Variants in EVC observed in about 807,000 individuals in gnomAD.
EVC encodes the protein EvC ciliary complex subunit 1.
Under a neutral mutation model 118.9 loss-of-function variants are expected in EVC, and 116 were observed. That is an observed-to-expected ratio of 0.98 (90% CI 0.84 to 1.14). The LOEUF is 1.14. Among genes scored for constraint, EVC ranks in the 50% most tolerant of loss-of-function variants. EVC has a pLI of 0.00. For synonymous variants in EVC, 619 were observed against 534.7 expected (o/e 1.16, Z -2.18); for missense variants, 1,401 against 1,246.4 (o/e 1.12, Z -1.87).
intron 1 of EVC, among the ~76,000 whole-genome samples, chr4:5,716,860 A>T (rs771173793): frequency 6.6e-6 from 1 of 152,130 alleles, no homozygotes; most frequent in Non-Finnish European, 1.5e-5. Flanking sequence ...AACTGATTCT[A>T]TTCTGATCCT....
At chr4:5,769,877 G>T (rs557696827) in intron 11 of EVC, among the ~76,000 whole-genome samples, 115 of 152,150 alleles carry the variant, frequency 7.6e-4, no homozygotes, top group Admixed American at 3.3e-3. Flanking sequence ...TCTGAGAGTA[G>T]TTCCCAAACC....
chr4:5,766,462 T>G (rs879554925), intron 11 of EVC, among the ~76,000 whole-genome samples: 2 of 120,218 alleles, frequency 1.7e-5, no homozygotes, highest in African/African-American at 3.3e-5. Flanking sequence ...CCTTGCTAGA[T>G]TGGGGAAGTT....
At chr4:5,827,339 G>A in the EVC span, among the ~76,000 whole-genome samples, 6 of 152,242 alleles carry the variant, frequency 3.9e-5, no homozygotes, top group Admixed American at 1.3e-4. Flanking sequence ...GCCTTGTCTC[G>A]GATCTGACTT....
At chr4:5,728,946 A>G (rs113849587) in intron 2 of EVC, among the ~76,000 whole-genome samples, 1,742 of 152,148 alleles carry the variant, frequency 0.011, 41 homozygotes, top group African/African-American at 0.039. Context: ...CCATATCCCC[A>G]TCTATTTTTT....
At position 5,752,885 on chromosome 4, in the gene EVC, A is replaced by G. The variant is rs1201423468; in HGVS notation, c.1148A>G (p.Glu383Gly). Residue 383 changes from glutamate to glycine, a missense_variant, in exon 9 of 21, where the codon GAG becomes GGG. Glu to Gly is a moderately conservative substitution (Grantham distance 98). Coordinates refer to ENST00000264956, the MANE Select transcript of EVC (RefSeq NM_153717.3). Reference protein sequence around the residue: ...MGRAHMAKVIEFLKLQVQEET... With the variant: ...MGRAHMAKVIGFLKLQVQEET... ...CGGGCGCACATGGCAAAAGTGATTG[A>G]GTTTCTGAAGCTGCAAGTCCAGGAG... 6.2e-7 allele frequency: 1 copy of G among 1,614,160 alleles called. No homozygotes were observed. The highest frequency in any genetic ancestry group is 8.5e-7 in the Non-Finnish European group (1 of 1,180,010).
intron 6 of EVC, 52 bp from the exon 7 acceptor site, chr4:5,745,152 C>A (rs1044754513): frequency 8.3e-6 from 13 of 1,562,032 alleles, no homozygotes; most frequent in Non-Finnish European, 1.1e-5. Flanking sequence ...ATTTAAGACA[C>A]GCTAAACTTT....
At position 5,742,571 on chromosome 4, in the gene EVC, G is replaced by C. The variant is rs1164606721; in HGVS notation, c.801+757G>C. Reference sequence around the variant, plus strand: ...GTCACCACTGACATCATCATTCTTTGTCTTTACCACCATCATCATCATCCT... The same window carrying C: ...GTCACCACTGACATCATCATTCTTTCTCTTTACCACCATCATCATCATCCT... On this transcript the variant is annotated intron_variant, in intron 6 of 20. Coordinates refer to ENST00000264956, the MANE Select transcript of EVC (RefSeq NM_153717.3). The surrounding 1 kb of genome is among the most constrained non-coding windows in gnomAD (Gnocchi z 5.2). Among the ~76,000 whole-genome samples the C allele has an allele frequency of 6.6e-6, 1 of 152,036 alleles. No individual in the cohort carries two copies. The highest frequency in any genetic ancestry group is 6.6e-5 in the Admixed American group (1 of 15,258).
At chr4:5,828,727 C>A in the EVC span, 3 of 1,564,272 alleles carry the variant, frequency 1.9e-6, no homozygotes, top group South Asian at 2.4e-5. Context: ...ACGAGCTGTT[C>A]ATAACAGCGA....
At chr4:5,723,253 G>A (rs149788625) in intron 2 of EVC, among the ~76,000 whole-genome samples, 10,375 of 150,682 alleles carry the variant, frequency 0.069, 539 homozygotes, top group East Asian at 0.2. Context: ...GCAGTGGTGC[G>A]ATCTCGGCTC....
rs56345599 is a variant in EVC at position 5,746,231 on chromosome 4, C to G, written c.939+890C>G. 0.11 allele frequency among the ~76,000 whole-genome samples: 16,991 copies of G among 152,228 alleles called. 1,425 individuals are homozygous for G. The highest frequency in any genetic ancestry group is 0.24 in the African/African-American group (9,804 of 41,496). Reference sequence around the variant, plus strand: ...AAGCTTTGAAGCAGGGGGTGGCTGGCTTCAGCTTCTGCTTTAGAAGGGCTG... The same window carrying G: ...AAGCTTTGAAGCAGGGGGTGGCTGGGTTCAGCTTCTGCTTTAGAAGGGCTG... On this transcript the variant is annotated intron_variant, in intron 7 of 20. Transcript: ENST00000264956. This position sits in a 1 kb window ranked among gnomAD's most constrained non-coding sequence, Gnocchi z 5.8.
chr4:5,759,728 A>G (rs1731714902), intron 11 of EVC, among the ~76,000 whole-genome samples: 1 of 152,242 alleles, frequency 6.6e-6, no homozygotes, highest in Non-Finnish European at 1.5e-5. Flanking sequence ...GGGTAAGCCA[A>G]GCAGTATATA....
At chr4:5,818,075 G>T (rs1424268592), downstream of EVC, among the ~76,000 whole-genome samples, 1 of 152,180 alleles carries the variant, frequency 6.6e-6, no homozygotes. Context: ...CCTGGTGGGA[G>T]ATAATTGAAT....
chr4:5,786,000 C>G (rs1157530041), intron 12 of EVC, among the ~76,000 whole-genome samples: 1 of 152,028 alleles, frequency 6.6e-6, no homozygotes, highest in East Asian at 1.9e-4. Context: ...TTTTAGAGAC[C>G]ATTGTGGTTT....
In EVC at chr4:5,719,505, A is replaced by G; in HGVS notation, c.300+132A>G. The G allele has an allele frequency of 7.6e-7, 1 of 1,310,486 alleles. No individual in the cohort carries two copies. Among genetic ancestry groups the G allele is most frequent in the South Asian group, 1.2e-5 (1 of 83,250 alleles). The allele number at this position is 1,310,486 out of a possible 1,614,324, so 81.2% of individuals were successfully genotyped here. A position where few individuals can be genotyped will look rare whatever the true frequency, so the allele number is the denominator to read the frequency against. On this transcript the variant is annotated intron_variant, in intron 2 of 20. Transcript: ENST00000264956. This position sits in a 1 kb window ranked among gnomAD's most constrained non-coding sequence, Gnocchi z 4.7. Reference sequence around the variant, plus strand: ...CAATGGGCTGCTTTTCTGAGGCATAATTTACATACAGTCAAATGCGCAGAC... The same window carrying G: ...CAATGGGCTGCTTTTCTGAGGCATAGTTTACATACAGTCAAATGCGCAGAC...
intron 9 of EVC, 146 bp downstream of exon 9, chr4:5,753,198 T>A: frequency 1.3e-6 from 1 of 787,760 alleles, no homozygotes; most frequent in Admixed American, 2.1e-5. Context: ...AGGGACTGGG[T>A]CACTGGGCTG....
chr4:5,783,618 C>A lies in EVC; in HGVS notation c.1630C>A (p.Pro544Thr). 2 of 1,614,160 alleles carry A rather than the reference C, an allele frequency of 1.2e-6. No individual in the cohort carries two copies. Among genetic ancestry groups the A allele is most frequent in the Non-Finnish European group, 1.7e-6 (2 of 1,180,036 alleles). ...FVDALFLQTLPGMTGLPPEEC... is the reference protein window; with the variant it reads ...FVDALFLQTLTGMTGLPPEEC... ...GGATGCCCTGTTCCTTCAGACGCTCCCTGGCATGACTGGCCTCCCCCCGGA... is the reference window on the plus strand; with the variant it reads ...GGATGCCCTGTTCCTTCAGACGCTCACTGGCATGACTGGCCTCCCCCCGGA... Residue 544 changes from proline to threonine, a missense_variant, in exon 12 of 21, where the codon CCT (proline) becomes ACT (threonine). Physicochemically the swap from Pro to Thr is conservative, Grantham distance 38 (BLOSUM62 -1). Coordinates refer to ENST00000264956, the MANE Select transcript of EVC (RefSeq NM_153717.3).
In EVC at chr4:5,729,389, G is replaced by T; in HGVS notation, c.383G>T (p.Arg128Leu). ...KVIYPINQKF[R>L]PLADGSSNPS... is the part of the protein sequence containing the mutation. ...ATCTACCCCATCAATCAGAAGTTCC[G>T]GGTGAGAGTCCTGAGCTCCATCATA... Residue 128 changes from arginine (R) to leucine (L), a missense_variant and splice_region_variant, in exon 3 of 21, where the codon CGG becomes CTG. By Grantham distance (102) the Arg-to-Leu change is moderately radical. Coordinates refer to ENST00000264956, the MANE Select transcript of EVC (RefSeq NM_153717.3). The T allele has an allele frequency of 6.2e-7, 1 of 1,613,904 alleles. No individual in the cohort carries two copies. Among genetic ancestry groups the T allele is most frequent in the Non-Finnish European group, 8.5e-7 (1 of 1,179,878 alleles).
rs1275024165 is a variant in EVC at position 5,811,114 on chromosome 4, A to G, written c.*77A>G. 2 of 1,185,016 alleles carry G rather than the reference A, an allele frequency of 1.7e-6. No homozygotes were observed. Among genetic ancestry groups the G allele is most frequent in the African/African-American group, 3.0e-5 (2 of 65,902 alleles). 73.4% of individuals were successfully genotyped at this position (1,185,016 alleles called of 1,614,324 possible). A position where few individuals can be genotyped will look rare whatever the true frequency, so the allele number is the denominator to read the frequency against. On this transcript the variant is annotated 3_prime_UTR_variant, in exon 21 of 21. Transcript: ENST00000264956. The stretch of plus-strand genomic sequence containing the variant: ...TTCCACCTTCCCTCCTGCAGTGCTG[A>G]GAGGCAGCGAGGACGGAGAGGACAG...
chr4:5,828,923 A>T, the EVC span, among the ~76,000 whole-genome samples: 4 of 146,080 alleles, frequency 2.7e-5, no homozygotes, highest in South Asian at 8.4e-4. Flanking sequence ...CATCACAAAG[A>T]GGAAGGGGGT....
Sources: allele counts gnomAD v4.1 joint callset (sites outside exome capture counted in the v4.1 genomes callset), GRCh38; gene constraint gnomAD v4.1.1; non-coding constraint Gnocchi (gnomAD v3.1); transcripts MANE v1.5; gene names NCBI Gene and HGNC (gene_info 2026-07-23, HGNC 2026-07-21).